Variants in PAPLN observed in about 807,000 individuals in gnomAD.
The protein encoded by PAPLN is papilin.
A neutral mutation model predicts 159.0 loss-of-function variants in PAPLN; 146 were observed. The ratio of observed to expected loss-of-function variants is 0.92; its 90% CI spans 0.80 to 1.05. PAPLN has a LOEUF of 1.05. Ranked by LOEUF, PAPLN falls within the 50% of genes least tolerant of loss-of-function variation. PAPLN has a pLI of 0.00. For synonymous variants in PAPLN, 734 were observed against 702.9 expected (o/e 1.04, Z -0.70); for missense variants, 1,720 against 1,743.9 (o/e 0.99, Z 0.24).
intron 7 of PAPLN, among the ~76,000 whole-genome samples, 163 bp from the exon 8 acceptor site, chr14:73,251,323 G>T (rs751575024): frequency 2.6e-5 from 4 of 152,124 alleles, no homozygotes; most frequent in Non-Finnish European, 4.4e-5. Flanking sequence ...TTTGTACTGC[G>T]GCCTCTTCTG....
chr14:73,246,139 C>G lies in PAPLN; in HGVS notation c.298C>G (p.Gln100Glu), dbSNP rs771603934. Reference protein sequence around the residue: ...QCAEFDGAEFQGRRYRWLPYY... With the variant: ...QCAEFDGAEFEGRRYRWLPYY... ...CGCGGAGTTCGACGGAGCGGAGTTCCAGGGGCGGCGGTATCGGTGGCTGCC... is the reference window on the plus strand; with the variant it reads ...CGCGGAGTTCGACGGAGCGGAGTTCGAGGGGCGGCGGTATCGGTGGCTGCC... The change falls in exon 5 of 27, where the codon CAG becomes GAG. Residue 100 changes from glutamine (Q) to glutamate (E), a missense_variant. Physicochemically the swap from Gln to Glu is conservative, Grantham distance 29. Transcript: ENST00000644200. 1 of 1,590,418 alleles carries G rather than the reference C, an allele frequency of 6.3e-7. No homozygotes were observed. The highest frequency in any genetic ancestry group is 8.5e-7 in the Non-Finnish European group (1 of 1,171,270).
chr14:73,253,326 T>G, intron 11 of PAPLN: 5 of 1,112,072 alleles, frequency 4.5e-6, no homozygotes, highest in Non-Finnish European at 6.1e-6. Flanking sequence ...GGACTTGGCT[T>G]TGCATGGGGC....
At chr14:73,271,100 G>A (rs1022808423) in intron 26 of PAPLN, among the ~76,000 whole-genome samples, 4 of 152,180 alleles carry the variant, frequency 2.6e-5, no homozygotes, top group Non-Finnish European at 5.9e-5. Flanking sequence ...GAGTTACCCA[G>A]CTGGCAAGTG....
At chr14:73,251,103 C>T (rs1274961028) in intron 7 of PAPLN, 73 bp downstream of exon 7, 2 of 1,538,290 alleles carry the variant, frequency 1.3e-6, no homozygotes, top group East Asian at 2.3e-5. Context: ...TGTCCCTGCT[C>T]TGGCCTAGAC....
Position 73,265,240 on chromosome 14 carries a change from C to T in PAPLN, c.3126-130C>T. 4 of 1,417,978 alleles carry T rather than the reference C, an allele frequency of 2.8e-6. No individual in the cohort carries two copies. The highest frequency in any genetic ancestry group is 3.8e-6 in the Non-Finnish European group (4 of 1,058,446). 87.8% of individuals were successfully genotyped at this position (1,417,978 alleles called of 1,614,324 possible). On this transcript the variant is annotated intron_variant, in intron 22 of 26. Coordinates refer to ENST00000644200, the MANE Select transcript of PAPLN (RefSeq NM_001365906.3). The surrounding 1 kb of genome is among the most constrained non-coding windows in gnomAD (Gnocchi z 4.1). The stretch of plus-strand genomic sequence containing the variant: ...TGACCATTTCCTAACCAGAACAAGG[C>T]AGGGGATTTTAGGAAGCTGAATCTG...
At chr14:73,260,603 C>T in intron 16 of PAPLN, 106 bp from the exon 17 acceptor site, 2 of 1,337,198 alleles carry the variant, frequency 1.5e-6, no homozygotes, top group East Asian at 2.8e-5. Flanking sequence ...CCCCCAGGTC[C>T]CCACCCTGTC....
intron 2 of PAPLN, chr14:73,242,524 G>A (rs1341821920): frequency 6.6e-6 from 1 of 152,200 alleles, no homozygotes; most frequent in African/African-American, 2.4e-5. Context: ...CTTAAAATGT[G>A]GGATGAGGCT....
At chr14:73,256,921 G>A (rs28484723) in intron 14 of PAPLN, among the ~76,000 whole-genome samples, 14,793 of 151,984 alleles carry the variant, frequency 0.097, 873 homozygotes, top group South Asian at 0.22. Flanking sequence ...AATAAAATAA[G>A]TAAATATTTC....
At position 73,259,442 on chromosome 14, in the gene PAPLN, C is replaced by T. The variant is rs1398494348; in HGVS notation, c.1882C>T (p.His628Tyr). The T allele has an allele frequency of 6.2e-7, 1 of 1,612,646 alleles. No individual in the cohort carries two copies. The highest frequency in any genetic ancestry group is 1.7e-5 in the Admixed American group (1 of 59,926). Residue 628 changes from histidine to tyrosine, a missense_variant, in exon 16 of 27, where the codon CAC (histidine) becomes TAC (tyrosine). His to Tyr is a moderately conservative substitution (Grantham distance 83). Coordinates refer to ENST00000644200, the MANE Select transcript of PAPLN (RefSeq NM_001365906.3). ...QQPLRSGSGP[H>Y]DCRHSPHGCC... ...ACCCCTGCGGTCGGGCTCAGGGCCC[C>T]ACGACTGCAGACACAGTCCTCACGG... is the stretch of plus-strand genomic sequence containing the variant.
At chr14:73,251,973 A>G (rs1566683617) in intron 9 of PAPLN, 45 bp from the exon 10 acceptor site, 1 of 1,576,814 alleles carries the variant, frequency 6.3e-7, no homozygotes, top group South Asian at 1.2e-5. Context: ...AGGGTGTGGG[A>G]GTGCTCCCCA....
chr14:73,261,082 C>T, intron 17 of PAPLN, 74 bp from the exon 18 acceptor site: 1 of 1,609,830 alleles, frequency 6.2e-7, no homozygotes, highest in African/African-American at 1.3e-5. Flanking sequence ...CTGCCATCCT[C>T]CCCGTGGCAG....
Position 73,251,609 on chromosome 14 carries a change from G to C in PAPLN, c.670+43G>C, listed in dbSNP as rs1012565369. ...GGTCCTAGGCAGGTCTGGGGCTGCA[G>C]GGGGAGGTGCGGCACTGCTCCCTCT... is the stretch of plus-strand genomic sequence containing the variant. On this transcript the variant is annotated intron_variant, in intron 8 of 26. Transcript: ENST00000644200. 5.0e-6 allele frequency: 8 copies of C among 1,613,282 alleles called. No homozygotes were observed. In the Admixed American group the frequency reaches 6.7e-5, roughly 13 times the overall value.
chr14:73,264,400 G>A, intron 21 of PAPLN, 65 bp downstream of exon 21: 3 of 1,569,824 alleles, frequency 1.9e-6, no homozygotes, highest in Non-Finnish European at 1.7e-6. Context: ...CCAGGATGGG[G>A]AGCCTGACCG....
Position 73,245,784 on chromosome 14 carries a change from G to A in PAPLN, c.231+88G>A, listed in dbSNP as rs1465789561. The A allele has an allele frequency of 6.7e-7, 1 of 1,489,994 alleles. No individual in the cohort carries two copies. Among genetic ancestry groups the A allele is most frequent in the African/African-American group, 1.4e-5 (1 of 72,192 alleles). The allele number at this position is 1,489,994 out of a possible 1,614,324, so 92.3% of individuals were successfully genotyped here. A position where few individuals can be genotyped will look rare whatever the true frequency, so the allele number is the denominator to read the frequency against. The stretch of plus-strand genomic sequence containing the variant: ...CATTGGGATGCCCGCTCCTGGCCGC[G>A]GGCTGCTGGGTTGGCCCAGCCTGGG... On this transcript the variant is annotated intron_variant, in intron 4 of 26. Transcript: ENST00000644200. This position sits in a 1 kb window ranked among gnomAD's most constrained non-coding sequence, Gnocchi z 4.2.
chr14:73,271,438 C>T (rs1366992907), intron 26 of PAPLN, among the ~76,000 whole-genome samples: 1 of 151,938 alleles, frequency 6.6e-6, no homozygotes, highest in Non-Finnish European at 1.5e-5. Flanking sequence ...GAAGGTACCA[C>T]TCTGGTCTAA....
At position 73,264,637 on chromosome 14, in the gene PAPLN, G is replaced by T. The variant is rs1209465182; in HGVS notation, c.3036G>T (p.Gln1012His). Reference protein sequence around the residue: ...LSEAELSRFPQPRDPAQDFGQ... With the variant: ...LSEAELSRFPHPRDPAQDFGQ... ...AGGCTGAGCTGAGCCGCTTCCCTCA[G>T]CCCAGGGACCCAGCTCAGGACTTTG... Residue 1012 changes from glutamine to histidine, a missense_variant, in exon 22 of 27, where the codon CAG (glutamine) becomes CAT (histidine). Coordinates refer to ENST00000644200, the MANE Select transcript of PAPLN (RefSeq NM_001365906.3). The T allele has an allele frequency of 1.9e-6, 3 of 1,604,744 alleles. No homozygotes were observed. The highest frequency in any genetic ancestry group is 2.5e-6 in the Non-Finnish European group (3 of 1,177,692).
chr14:73,265,416 G>C lies in PAPLN; in HGVS notation c.3172G>C (p.Gly1058Arg). The C allele has an allele frequency of 6.2e-7, 1 of 1,612,608 alleles. No individual in the cohort carries two copies. Among genetic ancestry groups the C allele is most frequent in the Non-Finnish European group, 8.5e-7 (1 of 1,180,016 alleles). The change falls in exon 23 of 27, where the codon GGC becomes CGC. Residue 1058 changes from glycine (G) to arginine (R), a missense_variant. Coordinates refer to ENST00000644200, the MANE Select transcript of PAPLN (RefSeq NM_001365906.3). The surrounding 1 kb of genome is among the most constrained non-coding windows in gnomAD (Gnocchi z 4.1). ...GCCCCGGGTGGTGGATGCCAGTCCA[G>C]GCCAGCGGATCCGGATGACCTGCCG... ...NQPRVVDASPGQRIRMTCRAE... is the reference protein window; with the variant it reads ...NQPRVVDASPRQRIRMTCRAE...
At chr14:73,267,793 C>T (rs1887366430) in intron 25 of PAPLN, among the ~76,000 whole-genome samples, 2 of 152,238 alleles carry the variant, frequency 1.3e-5, no homozygotes, top group Non-Finnish European at 2.9e-5. Flanking sequence ...CCATGTTGGC[C>T]TCTCCTGGAT....
At chr14:73,239,899 C>A (rs1346691909) in intron 2 of PAPLN, 67 bp downstream of exon 2, 9 of 1,484,362 alleles carry the variant, frequency 6.1e-6, no homozygotes, top group Admixed American at 2.3e-5. Context: ...GACGCGCGGG[C>A]CCGCAGGCAA....
Sources: allele counts gnomAD v4.1 joint callset (sites outside exome capture counted in the v4.1 genomes callset), GRCh38; gene constraint gnomAD v4.1.1; non-coding constraint Gnocchi (gnomAD v3.1); transcripts MANE v1.5; gene names NCBI Gene and HGNC (gene_info 2026-07-23, HGNC 2026-07-21).